The following CCSER1 variants were observed in gnomAD, a reference collection of about 807,000 sequenced individuals.
CCSER1 encodes the protein serine-rich coiled-coil domain-containing protein 1.
A neutral mutation model predicts 82.0 loss-of-function variants in CCSER1; 41 were observed. The ratio of observed to expected loss-of-function variants is 0.50; its 90% confidence interval spans 0.39 to 0.65. CCSER1 has a LOEUF of 0.65. Ranked by LOEUF, CCSER1 falls within the 30% of genes least tolerant of loss-of-function variation. The pLI, the probability that CCSER1 is intolerant of heterozygous loss-of-function variation, is 0.00. For synonymous variants in CCSER1, 414 were observed against 383.9 expected, an observed-to-expected ratio of 1.08 and a Z score of -0.92; for missense variants, 1,119 against 1,064.2, an observed-to-expected ratio of 1.05 and a Z score of -0.72.
intron 10 of CCSER1, among the ~76,000 whole-genome samples, chr4:91,111,893 T>C (rs916749960): frequency 1.4e-5 from 2 of 147,424 alleles, no homozygotes; most frequent in Admixed American, 1.3e-4. Flanking sequence ...CCAAATTTAA[T>C]AGGGTAAATG....
At chr4:90,466,636 G>A (rs748203272) in intron 4 of CCSER1, among the ~76,000 whole-genome samples, 5 of 152,132 alleles carry the variant, frequency 3.3e-5, no homozygotes, top group Non-Finnish European at 5.9e-5. Flanking sequence ...TCCTAAGTTT[G>A]TGTTAATTTT....
chr4:91,125,249 G>T (rs1198463821), intron 10 of CCSER1, among the ~76,000 whole-genome samples: 1 of 151,298 alleles, frequency 6.6e-6, no homozygotes, highest in East Asian at 1.9e-4. Context: ...GTATATATGG[G>T]GAATAAATTC....
At chr4:90,932,787 C>T in intron 9 of CCSER1, among the ~76,000 whole-genome samples, 1 of 134,298 alleles carries the variant, frequency 7.4e-6, no homozygotes, top group South Asian at 2.5e-4. Flanking sequence ...GAGATTGTGC[C>T]ACTGTACTCC....
intron 10 of CCSER1, among the ~76,000 whole-genome samples, chr4:91,087,224 G>A (rs912168563): frequency 4.6e-5 from 7 of 152,062 alleles, no homozygotes; most frequent in African/African-American, 1.2e-4. Context: ...AGTGCCTTTA[G>A]GGACATACTA....
At chr4:91,232,408 A>G (rs1738693527) in intron 10 of CCSER1, among the ~76,000 whole-genome samples, 1 of 151,812 alleles carries the variant, frequency 6.6e-6, no homozygotes, top group African/African-American at 2.4e-5. Context: ...AACAAATCAG[A>G]TGACTCATAT....
intron 10 of CCSER1, among the ~76,000 whole-genome samples, chr4:91,305,974 T>C (rs1745041415): frequency 6.6e-6 from 1 of 151,524 alleles, no homozygotes; most frequent in South Asian, 2.1e-4. Flanking sequence ...ACCAGGTCCC[T>C]CTCATAACAC....
At chr4:90,441,346 A>T (rs961715200) in intron 4 of CCSER1, among the ~76,000 whole-genome samples, 3 of 152,114 alleles carry the variant, frequency 2.0e-5, no homozygotes, top group African/African-American at 7.2e-5. Flanking sequence ...AATTCTGAAG[A>T]TTAGAATTTT....
intron 8 of CCSER1, among the ~76,000 whole-genome samples, chr4:90,921,990 G>A (rs1047182798): frequency 3.3e-5 from 5 of 151,936 alleles, no homozygotes; most frequent in African/African-American, 1.2e-4. Flanking sequence ...TTTGGAAAAT[G>A]CAGCCACATT....
chr4:91,587,711 A>C (rs1194054344), intron 10 of CCSER1, among the ~76,000 whole-genome samples: 4 of 151,684 alleles, frequency 2.6e-5, no homozygotes, highest in Non-Finnish European at 5.9e-5. Flanking sequence ...TTTTTCTTAC[A>C]TCGAATGCAG....
intron 10 of CCSER1, among the ~76,000 whole-genome samples, chr4:91,129,284 G>T (rs891673844): frequency 1.3e-5 from 2 of 151,928 alleles, no homozygotes; most frequent in African/African-American, 2.4e-5. Flanking sequence ...ATGTTTCAAT[G>T]ACCGAAATCC....
chr4:90,139,675 C>T (rs926718960), intron 1 of CCSER1, among the ~76,000 whole-genome samples: 3 of 151,978 alleles, frequency 2.0e-5, no homozygotes, highest in African/African-American at 2.4e-5. Context: ...AAATGAAGCT[C>T]GGTGCAGTGG....
intron 3 of CCSER1, among the ~76,000 whole-genome samples, chr4:90,366,220 A>G (rs895732824): frequency 6.6e-6 from 1 of 151,970 alleles, no homozygotes. Context: ...ATGTTTCCAA[A>G]TAAATATCTT....
intron 1 of CCSER1, among the ~76,000 whole-genome samples, chr4:90,295,711 T>C (rs2153470544): frequency 6.6e-6 from 1 of 152,204 alleles, no homozygotes; most frequent in African/African-American, 2.4e-5. Flanking sequence ...TGGCATAGGA[T>C]ACCAAAGACC....
intron 8 of CCSER1, among the ~76,000 whole-genome samples, chr4:90,889,941 A>T (rs1468127625): frequency 3.3e-5 from 5 of 152,142 alleles, no homozygotes; most frequent in Non-Finnish European, 1.5e-5. Context: ...AATAGCTTAA[A>T]CTTATTAGTG....
intron 10 of CCSER1, among the ~76,000 whole-genome samples, chr4:91,178,678 T>C (rs941865598): frequency 6.6e-6 from 1 of 152,210 alleles, no homozygotes; most frequent in African/African-American, 2.4e-5. Flanking sequence ...CCTCCATCCC[T>C]TTATTTTGAG....
At chr4:90,402,828 A>C (rs551622411) in intron 4 of CCSER1, among the ~76,000 whole-genome samples, 68 of 152,314 alleles carry the variant, frequency 4.5e-4, no homozygotes, top group Non-Finnish European at 7.8e-4. Context: ...GTACTTCATT[A>C]ATTTATTTTA....
At chr4:90,637,458 A>G (rs978114749) in intron 6 of CCSER1, among the ~76,000 whole-genome samples, 1 of 152,174 alleles carries the variant, frequency 6.6e-6, no homozygotes, top group Non-Finnish European at 1.5e-5. Context: ...GAAGAACAAT[A>G]TGTAAAGTAT....
chr4:91,530,397 A>G lies in CCSER1; in HGVS notation c.2218-68175A>G, dbSNP rs186496442. 6.5e-3 allele frequency among the ~76,000 whole-genome samples: 987 copies of G among 152,206 alleles called. 4 individuals are homozygous for G. Among genetic ancestry groups the G allele is most frequent in the African/African-American group, 0.017 (727 of 41,550 alleles). On this transcript the variant is annotated intron_variant, in intron 10 of 10. Transcript: ENST00000509176. ...TAATGCATGATTTAAGATCTTACAG[A>G]TAATTTATTAAAGTCAATTCCCATC...
chr4:91,386,823 C>T (rs1352732363), intron 10 of CCSER1, among the ~76,000 whole-genome samples: 1 of 151,902 alleles, frequency 6.6e-6, no homozygotes, highest in Non-Finnish European at 1.5e-5. Flanking sequence ...CATGAGCAAA[C>T]ACCAGACAAA....
Sources: allele counts gnomAD v4.1 joint callset (sites outside exome capture counted in the v4.1 genomes callset), GRCh38; gene constraint gnomAD v4.1.1; transcripts MANE v1.5; gene names NCBI Gene and HGNC (gene_info 2026-07-23, HGNC 2026-07-21).